The following MCTP1 variants were observed in gnomAD, a reference collection of about 807,000 sequenced individuals.
MCTP1 encodes the protein multiple C2 and transmembrane domain containing 1.
In MCTP1, 69 loss-of-function variants were observed where a neutral mutation model predicts 120.6. The ratio of observed to expected loss-of-function variants is 0.57; its 90% CI spans 0.47 to 0.70. The LOEUF is 0.70. Ranked by LOEUF, MCTP1 falls within the 30% of genes least tolerant of loss-of-function variation. The pLI, the probability that MCTP1 is intolerant of heterozygous loss-of-function variation, is 0.00. For synonymous variants in MCTP1, 529 were observed against 493.1 expected, an observed-to-expected ratio of 1.07 and a Z score of -0.96; for missense variants, 1,203 against 1,248.8, an observed-to-expected ratio of 0.96 and a Z score of 0.55.
intron 1 of MCTP1, among the ~76,000 whole-genome samples, chr5:95,184,468 C>A (rs1041601432): frequency 6.6e-6 from 1 of 152,188 alleles, no homozygotes; most frequent in East Asian, 1.9e-4. Context: ...TCAGACCTAA[C>A]CGACTCCATC....
chr5:95,085,298 T>C (rs1166934799), intron 1 of MCTP1, among the ~76,000 whole-genome samples: 1 of 152,062 alleles, frequency 6.6e-6, no homozygotes, highest in Non-Finnish European at 1.5e-5. Context: ...GATATGCACA[T>C]ATCCATAACA....
At chr5:94,879,749 G>A (rs1799665652) in intron 12 of MCTP1, among the ~76,000 whole-genome samples, 2 of 152,030 alleles carry the variant, frequency 1.3e-5, no homozygotes, top group Non-Finnish European at 2.9e-5. Flanking sequence ...TAATATATTA[G>A]TATTATTATG....
At chr5:94,874,191 A>C (rs1268394597) in intron 12 of MCTP1, among the ~76,000 whole-genome samples, 1 of 152,122 alleles carries the variant, frequency 6.6e-6, no homozygotes, top group Non-Finnish European at 1.5e-5. Flanking sequence ...ACTACATAAG[A>C]GGTTAATGTG....
intron 19 of MCTP1, among the ~76,000 whole-genome samples, chr5:94,734,685 G>A (rs890777695): frequency 2.0e-5 from 3 of 152,124 alleles, no homozygotes; most frequent in Admixed American, 6.5e-5. Context: ...TTAGACTCCC[G>A]GCCTAAAGCA....
chr5:95,191,648 T>C (rs71630706), intron 1 of MCTP1, among the ~76,000 whole-genome samples: 24,310 of 151,864 alleles, frequency 0.16, 2,381 homozygotes, highest in Non-Finnish European at 0.22. Flanking sequence ...AATAAGTATA[T>C]TGGTTTGCTT....
intron 2 of MCTP1, among the ~76,000 whole-genome samples, chr5:94,974,930 T>C (rs1218495511): frequency 6.6e-6 from 1 of 152,174 alleles, no homozygotes; most frequent in Non-Finnish European, 1.5e-5. Context: ...TCTTAGACTA[T>C]TCATATATTC....
chr5:95,058,144 GGCTCGTT>G (rs2152072059), intron 1 of MCTP1, among the ~76,000 whole-genome samples: 1 of 152,154 alleles, frequency 6.6e-6, no homozygotes, highest in East Asian at 1.9e-4. Context: ...CTGATGCTTC[GGCTCGTT>G]GCTCTTAGTC....
intron 1 of MCTP1, among the ~76,000 whole-genome samples, chr5:95,213,418 C>T (rs1230854595): frequency 5.6e-4 from 86 of 152,250 alleles, no homozygotes; most frequent in Non-Finnish European, 5.7e-4. Context: ...GAATCAATAT[C>T]GTGAAAATGG....
At chr5:94,789,313 A>G (rs2152978731) in intron 18 of MCTP1, 1 of 152,346 alleles carries the variant, frequency 6.6e-6, no homozygotes, top group Middle Eastern at 3.4e-3. Context: ...GAGTCCTAAT[A>G]GATCTAAAGC....
chr5:94,877,196 TA>T (rs1419154392), intron 12 of MCTP1, among the ~76,000 whole-genome samples: 1 of 152,120 alleles, frequency 6.6e-6, no homozygotes, highest in Non-Finnish European at 1.5e-5. Flanking sequence ...GATAATGACA[TA>T]AAAAGTAGGC....
chr5:95,183,025 CAAA>C (rs554887788), intron 1 of MCTP1, among the ~76,000 whole-genome samples: 3 of 102,400 alleles, frequency 2.9e-5, no homozygotes, highest in Admixed American at 1.0e-4. Context: ...GACTCCGTCT[CAAA>C]AAAAAAAAAA....
At chr5:94,797,082 T>C (rs1203213648) in intron 18 of MCTP1, among the ~76,000 whole-genome samples, 1 of 152,130 alleles carries the variant, frequency 6.6e-6, no homozygotes, top group Non-Finnish European at 1.5e-5. Context: ...TTTGCAAAAA[T>C]TATATGATAT....
At chr5:94,760,692 G>GTTT (rs5869649) in intron 19 of MCTP1, among the ~76,000 whole-genome samples, 12 of 145,512 alleles carry the variant, frequency 8.2e-5, no homozygotes, top group Non-Finnish European at 9.1e-5. Flanking sequence ...CAACAAAATT[G>GTTT]TTTTTTTTTT....
At position 94,894,853 on chromosome 5, in the gene MCTP1, G is replaced by A; in HGVS notation, c.1653-18C>T. ...CCTGGCACCTAGAGACAAATGTTTT[G>A]AATCAGCAAGTGGCTTTTTTTTTTT... On this transcript the variant is annotated intron_variant, in intron 10 of 22. Transcript: ENST00000515393. 2 of 1,413,084 alleles carry A rather than the reference G, an allele frequency of 1.4e-6. No individual in the cohort carries two copies. The highest frequency in any genetic ancestry group is 2.4e-5 in the East Asian group (1 of 41,108). 87.5% of individuals were successfully genotyped at this position (1,413,084 alleles called of 1,614,324 possible).
chr5:94,805,833 C>T (rs987986392), intron 17 of MCTP1, among the ~76,000 whole-genome samples: 1 of 147,098 alleles, frequency 6.8e-6, no homozygotes, highest in Non-Finnish European at 1.5e-5. Flanking sequence ...CTTCTCCTTC[C>T]TAATCTAGTA....
At chr5:94,902,638 GATATA>G (rs1478682521) in intron 10 of MCTP1, among the ~76,000 whole-genome samples, 2 of 152,204 alleles carry the variant, frequency 1.3e-5, no homozygotes, top group South Asian at 2.1e-4. Context: ...ATTATAAATT[GATATA>G]ATATATGACT....
chr5:94,998,844 C>T (rs1314990936), intron 2 of MCTP1, among the ~76,000 whole-genome samples: 1 of 152,174 alleles, frequency 6.6e-6, no homozygotes, highest in African/African-American at 2.4e-5. Flanking sequence ...TGACTTTCTC[C>T]ATAAATATTC....
At chr5:94,905,262 A>C (rs1165316849) in intron 10 of MCTP1, among the ~76,000 whole-genome samples, 2 of 151,916 alleles carry the variant, frequency 1.3e-5, no homozygotes, top group Non-Finnish European at 2.9e-5. Flanking sequence ...GCAGAAGTTC[A>C]TAGTAGACAA....
intron 1 of MCTP1, among the ~76,000 whole-genome samples, chr5:95,121,277 CAAAAAAAAAA>C (rs34423597): frequency 8.6e-5 from 3 of 35,066 alleles, no homozygotes; most frequent in Middle Eastern, 0.038. Flanking sequence ...GACTCCATCA[CAAAAAAAAAA>C]AAAAAAAAAA....
Sources: gnomAD v4.1 joint callset for allele counts (sites outside exome capture counted in the v4.1 genomes callset) on GRCh38, gnomAD v4.1.1 for gene constraint, MANE v1.5 for transcripts, NCBI Gene and HGNC (gene_info 2026-07-23, HGNC 2026-07-21) for gene names.